The following NRXN3 variants were observed in gnomAD, a reference collection of about 807,000 sequenced individuals.
NRXN3 encodes neurexin 3.
In NRXN3, 32 loss-of-function variants were observed where a neutral mutation model predicts 137.6. The ratio of observed to expected loss-of-function variants is 0.23; its 90% CI spans 0.18 to 0.31. The LOEUF is 0.31. Among genes scored for constraint, NRXN3 ranks in the 10% least tolerant of loss-of-function variants. The pLI is 1.00. For synonymous variants in NRXN3, 798 were observed against 784.5 expected (o/e 1.02, Z -0.29); for missense variants, 1,574 against 2,062.5 (o/e 0.76, Z 4.59).
chr14:78,779,570 C>T (rs946588323), intron 8 of NRXN3, among the ~76,000 whole-genome samples: 1 of 151,858 alleles, frequency 6.6e-6, no homozygotes, highest in African/African-American at 2.4e-5. Context: ...GCAGAAAGTC[C>T]ATAAGGGTTT....
At position 78,314,972 on chromosome 14, in the gene NRXN3, T is replaced by TTCCC. The variant is rs1491155808; in HGVS notation, c.757+17115_757+17116insCTCC. Among the ~76,000 whole-genome samples the TTCCC allele has an allele frequency of 6.9e-3, 688 of 99,754 alleles. 5 individuals are homozygous for TTCCC. Among genetic ancestry groups the TTCCC allele is most frequent in the Non-Finnish European group, 7.3e-3 (376 of 51,596 alleles). 65.4% of individuals were successfully genotyped at this position (99,754 alleles called of 152,430 possible). A position where few individuals can be genotyped will look rare whatever the true frequency, so the allele number is the denominator to read the frequency against. On this transcript the variant is annotated intron_variant, in intron 4 of 20. Transcript: ENST00000335750. ...CTTCCTTCCTTCCTTCCTTCCTTCC[T>TTCCC]TCCTTCCTTCCTTCCTTTCTCTTTC... is the stretch of plus-strand genomic sequence containing the variant.
At chr14:79,213,310 A>C (rs1354451518) in intron 15 of NRXN3, among the ~76,000 whole-genome samples, 1 of 152,162 alleles carries the variant, frequency 6.6e-6, no homozygotes, top group Non-Finnish European at 1.5e-5. Flanking sequence ...AAACTATAAA[A>C]AATGAACATA....
chr14:79,593,780 C>T (rs554555901), intron 16 of NRXN3, among the ~76,000 whole-genome samples: 1 of 152,100 alleles, frequency 6.6e-6, no homozygotes, highest in Admixed American at 6.6e-5. Flanking sequence ...TTGATGGATT[C>T]TTATTTAAGC....
At chr14:79,664,727 C>T (rs887343607) in intron 17 of NRXN3, among the ~76,000 whole-genome samples, 27 of 152,136 alleles carry the variant, frequency 1.8e-4, no homozygotes, top group African/African-American at 6.5e-4. Flanking sequence ...TCTCACTTCT[C>T]CCAGGAAAAG....
At chr14:79,057,856 G>A (rs1414181857) in intron 15 of NRXN3, among the ~76,000 whole-genome samples, 1 of 152,082 alleles carries the variant, frequency 6.6e-6, no homozygotes, top group Non-Finnish European at 1.5e-5. Context: ...GCCATTCCAA[G>A]GATGAGACGA....
chr14:78,655,676 G>A (rs2097778985), intron 6 of NRXN3, among the ~76,000 whole-genome samples: 1 of 152,114 alleles, frequency 6.6e-6, no homozygotes, highest in Non-Finnish European at 1.5e-5. Context: ...CAATAAGTAT[G>A]TCTGGAATAA....
At chr14:79,305,588 A>G (rs1025263313) in intron 15 of NRXN3, among the ~76,000 whole-genome samples, 1 of 152,060 alleles carries the variant, frequency 6.6e-6, no homozygotes, top group Non-Finnish European at 1.5e-5. Context: ...AAAGTAATAC[A>G]CTCAGGACAG....
chr14:78,619,210 TGAG>T (rs1410193719), intron 4 of NRXN3, among the ~76,000 whole-genome samples: 1 of 152,182 alleles, frequency 6.6e-6, no homozygotes, highest in African/African-American at 2.4e-5. Flanking sequence ...AGGGAAAGAT[TGAG>T]GAGCCTGTTA....
intron 20 of NRXN3, among the ~76,000 whole-genome samples, chr14:79,850,485 T>A (rs558643052): frequency 6.6e-6 from 1 of 152,326 alleles, no homozygotes; most frequent in African/African-American, 2.4e-5. Context: ...GAAACATTTC[T>A]TTGAAACAAG....
chr14:78,512,096 A>G (rs996862507), intron 4 of NRXN3, among the ~76,000 whole-genome samples: 7 of 152,218 alleles, frequency 4.6e-5, no homozygotes, highest in Non-Finnish European at 8.8e-5. Flanking sequence ...AACTTCTGTC[A>G]TATGAATAAG....
intron 14 of NRXN3, among the ~76,000 whole-genome samples, 183 bp downstream of exon 14, chr14:78,968,529 A>G (rs941567200): frequency 1.3e-5 from 2 of 152,144 alleles, no homozygotes; most frequent in Non-Finnish European, 2.9e-5. Flanking sequence ...CATGTGCCAC[A>G]GGCTCCAGGA....
rs1276584605 is a variant in NRXN3, at chr14:79,861,194, G to A, written c.4094-148G>A. The stretch of plus-strand genomic sequence containing the variant: ...TTCCCTGTCCATGACCTCTGAGGCG[G>A]GGTTACCTTGCTTGTCGGACCAAGG... On this transcript the variant is annotated intron_variant, in intron 20 of 20. Coordinates refer to ENST00000335750, the MANE Select transcript of NRXN3 (RefSeq NM_001330195.2). The surrounding 1 kb of genome is among the most constrained non-coding windows in gnomAD (Gnocchi z 5.4). 20 of 1,533,718 alleles carry A rather than the reference G, an allele frequency of 1.3e-5. 1 individual carries two copies. Among genetic ancestry groups the A allele is most frequent in the Non-Finnish European group, 1.7e-5 (19 of 1,145,650 alleles).
intron 10 of NRXN3, among the ~76,000 whole-genome samples, chr14:78,881,496 T>A (rs907532982): frequency 3.3e-5 from 5 of 151,382 alleles, no homozygotes; most frequent in Non-Finnish European, 1.5e-5. Context: ...GGAACTGGAG[T>A]AAAGGTGACT....
chr14:79,824,724 A>T (rs1053846576), intron 20 of NRXN3, among the ~76,000 whole-genome samples: 1 of 152,172 alleles, frequency 6.6e-6, no homozygotes, highest in African/African-American at 2.4e-5. Flanking sequence ...AGAGCTTGTG[A>T]AGACTTTTTG....
intron 14 of NRXN3, among the ~76,000 whole-genome samples, chr14:78,981,395 T>C (rs1308081099): frequency 5.3e-5 from 8 of 152,232 alleles, no homozygotes. Context: ...GTGAGTGGGC[T>C]GCACAATTAG....
intron 10 of NRXN3, among the ~76,000 whole-genome samples, chr14:78,847,839 G>A (rs543306760): frequency 6.6e-6 from 1 of 152,152 alleles, no homozygotes; most frequent in South Asian, 2.1e-4. Flanking sequence ...TCTATGAATA[G>A]GCACATCTAT....
intron 10 of NRXN3, among the ~76,000 whole-genome samples, chr14:78,821,207 A>G (rs1235705084): frequency 6.6e-6 from 1 of 152,186 alleles, no homozygotes; most frequent in African/African-American, 2.4e-5. Context: ...AGTGGAATGA[A>G]ATTTATTTCT....
intron 6 of NRXN3, among the ~76,000 whole-genome samples, chr14:78,684,346 G>A (rs2098106576): frequency 6.6e-6 from 1 of 152,082 alleles, no homozygotes; most frequent in Non-Finnish European, 1.5e-5. Flanking sequence ...AATCAAATTT[G>A]GCCTGGATAA....
intron 4 of NRXN3, among the ~76,000 whole-genome samples, chr14:78,582,788 C>A (rs1015197658): frequency 2.6e-5 from 4 of 152,094 alleles, no homozygotes; most frequent in Non-Finnish European, 5.9e-5. Context: ...AGACAATAAC[C>A]CATCCACACG....
Sources: gnomAD v4.1 joint callset for allele counts (sites outside exome capture counted in the v4.1 genomes callset) on GRCh38, gnomAD v4.1.1 for gene constraint, Gnocchi (gnomAD v3.1) non-coding constraint, MANE v1.5 for transcripts, NCBI Gene and HGNC (gene_info 2026-07-23, HGNC 2026-07-21) for gene names.